ZNF354B: variants seen among roughly 807,000 people sequenced by gnomAD.
The protein encoded by ZNF354B is zinc finger protein 354B.
A neutral mutation model predicts 12.9 loss-of-function variants in ZNF354B; 10 were observed. That is an observed-to-expected ratio of 0.77 (90% CI 0.48 to 1.31). The LOEUF is 1.31. Among genes scored for constraint, ZNF354B ranks in the 40% most tolerant of loss-of-function variants. ZNF354B has a pLI of 0.00. For missense variants in ZNF354B, 614 were observed against 711.7 expected (o/e 0.86, Z 1.56); for synonymous variants, 260 against 243.7 (o/e 1.07, Z -0.62).
chr5:178,868,347 G>A (rs1160864084), intron 4 of ZNF354B, among the ~76,000 whole-genome samples: 3 of 149,304 alleles, frequency 2.0e-5, no homozygotes, highest in Non-Finnish European at 4.4e-5. Context: ...GGAGAGAAAC[G>A]GGGAGGGGCC....
At position 178,861,601 on chromosome 5, in the gene ZNF354B, G is replaced by T. The variant is rs115090233; in HGVS notation, c.33+521G>T. On this transcript the variant is annotated intron_variant, in intron 2 of 4. Transcript: ENST00000322434. ...TTCATTTTTGTGTAGTGGGAATGAG[G>T]AGGCCACCCTTTCTAGTTGAGACGA... Among the ~76,000 whole-genome samples the T allele has an allele frequency of 5.6e-3, 850 of 152,298 alleles. 10 individuals are homozygous for T. Among genetic ancestry groups the T allele is most frequent in the African/African-American group, 0.02 (813 of 41,558 alleles).
chr5:178,882,991 C>CTAA lies in ZNF354B; in HGVS notation c.540_542dup (p.Ala180_Lys181insAsn). The stretch of plus-strand genomic sequence containing the variant: ...GTCTTCATTAAGCAACAGAGATTTG[C>CTAA]TAAAGAAAAAACTCCATCAAAATGT... On this transcript the variant is annotated inframe_insertion, in exon 5 of 5. Transcript: ENST00000322434. 6.2e-7 allele frequency: 1 copy of CTAA among 1,607,002 alleles called. No individual in the cohort carries two copies. The highest frequency in any genetic ancestry group is 8.5e-7 in the Non-Finnish European group (1 of 1,178,344).
intron 4 of ZNF354B, among the ~76,000 whole-genome samples, chr5:178,882,091 C>T (rs1418064410): frequency 6.6e-6 from 1 of 152,092 alleles, no homozygotes; most frequent in Non-Finnish European, 1.5e-5. Context: ...TCTATGTATT[C>T]TATTATGTTG....
intron 4 of ZNF354B, among the ~76,000 whole-genome samples, chr5:178,870,233 A>G (rs896218006): frequency 4.9e-4 from 75 of 152,342 alleles, no homozygotes; most frequent in African/African-American, 1.8e-3. Flanking sequence ...GCTCCCCATG[A>G]TAGGACTCTC....
Position 178,882,773 on chromosome 5 carries a change from A to G in ZNF354B, c.321A>G (p.Ile107Met). The change falls in exon 5 of 5, where the codon ATA (isoleucine) becomes ATG (methionine). Residue 107 changes from isoleucine to methionine, a missense_variant. Ile to Met is a conservative substitution (Grantham distance 10, BLOSUM62 1). Transcript: ENST00000322434. ...CTCAGGATTCATTTCAGGAGCAGATAAGGAAAAGATTGAAAAGGGATGAAC... is the reference window on the plus strand; with the variant it reads ...CTCAGGATTCATTTCAGGAGCAGATGAGGAAAAGATTGAAAAGGGATGAAC... Reference protein sequence around the residue: ...TQTQDSFQEQIRKRLKRDEPW... With the variant: ...TQTQDSFQEQMRKRLKRDEPW... 1.3e-6 allele frequency: 2 copies of G among 1,590,808 alleles called. No homozygotes were observed. Among genetic ancestry groups the G allele is most frequent in the Non-Finnish European group, 8.5e-7 (1 of 1,174,480 alleles).
intron 2 of ZNF354B, among the ~76,000 whole-genome samples, chr5:178,865,245 G>T (rs1757429104): frequency 1.3e-5 from 2 of 151,844 alleles, no homozygotes; most frequent in African/African-American, 4.8e-5. Context: ...CTCTACCACT[G>T]AACAGCTGTG....
chr5:178,867,729 A>G (rs747620926), intron 4 of ZNF354B, among the ~76,000 whole-genome samples: 2 of 152,180 alleles, frequency 1.3e-5, no homozygotes, highest in African/African-American at 4.8e-5. Flanking sequence ...TGAAAATTAC[A>G]TGTATGTGTA....
chr5:178,884,455 T>G lies in ZNF354B; in HGVS notation c.*164T>G. On this transcript the variant is annotated 3_prime_UTR_variant, in exon 5 of 5. Coordinates refer to ENST00000322434, the MANE Select transcript of ZNF354B (RefSeq NM_058230.3). ...AAGCTTTTATACTTGTCACTCACTTTTTAAAATATCCCGAGACAGTTCACT... is the reference window on the plus strand; with the variant it reads ...AAGCTTTTATACTTGTCACTCACTTGTTAAAATATCCCGAGACAGTTCACT... The G allele has an allele frequency of 1.4e-6, 1 of 705,026 alleles. No homozygotes were observed. Among genetic ancestry groups the G allele is most frequent in the African/African-American group, 1.8e-5 (1 of 55,504 alleles). The allele number at this position is 705,026 out of a possible 1,614,324, so 43.7% of individuals were successfully genotyped here.
chr5:178,884,466 C>A lies in ZNF354B; in HGVS notation c.*175C>A. On this transcript the variant is annotated 3_prime_UTR_variant, in exon 5 of 5. Coordinates refer to ENST00000322434, the MANE Select transcript of ZNF354B (RefSeq NM_058230.3). ...CTTGTCACTCACTTTTTAAAATATC[C>A]CGAGACAGTTCACTGTTGCAGACAT... The A allele has an allele frequency of 1.6e-6, 1 of 643,066 alleles. No individual in the cohort carries two copies. The highest frequency in any genetic ancestry group is 2.5e-6 in the Non-Finnish European group (1 of 403,690). 39.8% of individuals were successfully genotyped at this position (643,066 alleles called of 1,614,324 possible).
intron 2 of ZNF354B, among the ~76,000 whole-genome samples, chr5:178,862,483 C>G (rs574258356): frequency 6.6e-6 from 1 of 151,604 alleles, no homozygotes; most frequent in East Asian, 2.0e-4. Flanking sequence ...TCCCCTGCCT[C>G]AGCCTCCTGA....
At chr5:178,875,871 T>C (rs1356723980) in intron 4 of ZNF354B, among the ~76,000 whole-genome samples, 2 of 152,092 alleles carry the variant, frequency 1.3e-5, no homozygotes, top group Admixed American at 1.3e-4. Context: ...ATCAGTTGCC[T>C]CTGGGAGTCC....
chr5:178,862,669 C>T (rs998273479), intron 2 of ZNF354B, among the ~76,000 whole-genome samples: 3 of 152,206 alleles, frequency 2.0e-5, no homozygotes, highest in East Asian at 3.9e-4. Flanking sequence ...CGCCTGGCGG[C>T]GTTATCTTTT....
chr5:178,862,362 C>CTTTTTTTTTTT (rs769224561), intron 2 of ZNF354B, among the ~76,000 whole-genome samples: 3 of 105,618 alleles, frequency 2.8e-5, no homozygotes, highest in African/African-American at 7.9e-5. Context: ...GTGGCATTAT[C>CTTTTTTTTTTT]TTTTTTTTTT....
chr5:178,884,458 A>G lies in ZNF354B; in HGVS notation c.*167A>G. The G allele has an allele frequency of 1.5e-6, 1 of 687,580 alleles. No individual in the cohort carries two copies. The highest frequency in any genetic ancestry group is 2.9e-5 in the East Asian group (1 of 34,438). 42.6% of individuals were successfully genotyped at this position (687,580 alleles called of 1,614,324 possible). A position where few individuals can be genotyped will look rare whatever the true frequency, so the allele number is the denominator to read the frequency against. ...CTTTTATACTTGTCACTCACTTTTTAAAATATCCCGAGACAGTTCACTGTT... is the reference window on the plus strand; with the variant it reads ...CTTTTATACTTGTCACTCACTTTTTGAAATATCCCGAGACAGTTCACTGTT... On this transcript the variant is annotated 3_prime_UTR_variant, in exon 5 of 5. Coordinates refer to ENST00000322434, the MANE Select transcript of ZNF354B (RefSeq NM_058230.3).
At chr5:178,871,549 C>T (rs1757565052) in intron 4 of ZNF354B, among the ~76,000 whole-genome samples, 1 of 152,188 alleles carries the variant, frequency 6.6e-6, no homozygotes, top group Non-Finnish European at 1.5e-5. Context: ...GCATTGTAAG[C>T]TGCTGTAGGA....
chr5:178,869,599 C>T (rs1318389719), intron 4 of ZNF354B, among the ~76,000 whole-genome samples: 2 of 152,072 alleles, frequency 1.3e-5, no homozygotes, highest in Non-Finnish European at 1.5e-5. Context: ...TAAGTCTCCC[C>T]TCTAGAGAGA....
chr5:178,861,782 C>CAGAT (rs988926487), intron 2 of ZNF354B, among the ~76,000 whole-genome samples: 1 of 152,184 alleles, frequency 6.6e-6, no homozygotes, highest in African/African-American at 2.4e-5. Context: ...CGTTTTAACC[C>CAGAT]ATCTCCTCTG....
intron 4 of ZNF354B, among the ~76,000 whole-genome samples, chr5:178,880,611 A>T (rs1406966202): frequency 6.6e-6 from 1 of 151,314 alleles, no homozygotes; most frequent in South Asian, 2.1e-4. Context: ...CTCCTGCCTC[A>T]GCCTTTTATG....
chr5:178,876,072 C>T lies in ZNF354B; in HGVS notation c.257-6637C>T, dbSNP rs189442610. 7.2e-3 allele frequency among the ~76,000 whole-genome samples: 1,091 copies of T among 152,270 alleles called. 12 individuals carry two copies. Among genetic ancestry groups the T allele is most frequent in the Admixed American group, 9.8e-3 (150 of 15,292 alleles). ...GAGGTACCAGTGTAGCGACCGGGCC[C>T]TGTGTTCCTTCCCAACCCAAGGGTG... is the stretch of plus-strand genomic sequence containing the variant. On this transcript the variant is annotated intron_variant, in intron 4 of 4. Transcript: ENST00000322434.
Sources: allele counts gnomAD v4.1 joint callset (sites outside exome capture counted in the v4.1 genomes callset), GRCh38; gene constraint gnomAD v4.1.1; transcripts MANE v1.5; gene names NCBI Gene and HGNC (gene_info 2026-07-23, HGNC 2026-07-21).